EEFSEC: variants seen among roughly 807,000 people sequenced by gnomAD.
EEFSEC encodes selenocysteine-specific elongation factor.
Under a neutral mutation model 42.1 loss-of-function variants are expected in EEFSEC, and 43 were observed. The ratio of observed to expected loss-of-function variants is 1.02; its 90% confidence interval spans 0.80 to 1.32. The LOEUF is 1.32. Among genes scored for constraint, EEFSEC ranks in the 40% most tolerant of loss-of-function variants. The pLI is 0.00. For missense variants in EEFSEC, 745 were observed against 803.6 expected, an observed-to-expected ratio of 0.93 and a Z score of 0.88; for synonymous variants, 354 against 339.1, an observed-to-expected ratio of 1.04 and a Z score of -0.48.
downstream of EEFSEC, among the ~76,000 whole-genome samples, chr3:128,409,361 C>T (rs1021435420): frequency 4.7e-5 from 7 of 149,770 alleles, no homozygotes; most frequent in African/African-American, 9.8e-5. Flanking sequence ...GCCCCAGAGC[C>T]GTGTGTGTGT....
Position 128,246,847 on chromosome 3 carries a change from A to G in EEFSEC, c.328A>G (p.Ile110Val). ...IRTIIGGAQIIDLMMLVIDVT... is the reference protein window; with the variant it reads ...IRTIIGGAQIVDLMMLVIDVT... ...TTCTCTTATTCCAGGGGCCCAGATC[A>G]TTGATCTGATGATGCTGGTCATCGA... Residue 110 changes from isoleucine to valine, a missense_variant, in exon 2 of 7, where the codon ATT (isoleucine) becomes GTT (valine). By Grantham distance (29) the Ile-to-Val change is conservative (BLOSUM62 3). Coordinates refer to ENST00000254730, the MANE Select transcript of EEFSEC (RefSeq NM_021937.5). 1 of 1,613,904 alleles carries G rather than the reference A, an allele frequency of 6.2e-7. No homozygotes were observed. Among genetic ancestry groups the G allele is most frequent in the Non-Finnish European group, 8.5e-7 (1 of 1,179,926 alleles).
the EEFSEC span, among the ~76,000 whole-genome samples, chr3:128,417,190 C>T: frequency 1.4e-4 from 22 of 152,118 alleles, no homozygotes; most frequent in East Asian, 3.9e-4. This position sits in a 1 kb window ranked among gnomAD's most constrained non-coding sequence, Gnocchi z 4.3. Context: ...CCTGTTAAAA[C>T]GTGTCAGGGC....
the EEFSEC span, among the ~76,000 whole-genome samples, chr3:128,414,044 C>T: frequency 2.0e-5 from 3 of 152,274 alleles, no homozygotes; most frequent in Non-Finnish European, 2.9e-5. Context: ...CCTGTCTTCA[C>T]TGCCATCTGC....
the EEFSEC span, among the ~76,000 whole-genome samples, chr3:128,420,982 C>T: frequency 6.6e-6 from 1 of 152,170 alleles, no homozygotes; most frequent in South Asian, 2.1e-4. Context: ...TCAGGCCTCA[C>T]AGAGGCCTTG....
chr3:128,395,805 C>T (rs2067974326), intron 6 of EEFSEC, among the ~76,000 whole-genome samples: 1 of 152,234 alleles, frequency 6.6e-6, no homozygotes, highest in Non-Finnish European at 1.5e-5. Flanking sequence ...ACAGCACCCT[C>T]AGCCACAGCC....
At chr3:128,390,425 G>A (rs909143711) in intron 6 of EEFSEC, among the ~76,000 whole-genome samples, 2 of 152,376 alleles carry the variant, frequency 1.3e-5, no homozygotes, top group Middle Eastern at 3.4e-3. Flanking sequence ...TGTATTTTGG[G>A]AGGTAGAGGG....
Position 128,317,359 on chromosome 3 carries a change from G to A in EEFSEC, c.787-23874G>A, listed in dbSNP as rs1215588577. Reference sequence around the variant, plus strand: ...CTGGCCTGTTCTCCGCCCCGCTGCTGGAGCTCAGACGCTCACTCTGGCCTT... The same window carrying A: ...CTGGCCTGTTCTCCGCCCCGCTGCTAGAGCTCAGACGCTCACTCTGGCCTT... On this transcript the variant is annotated intron_variant, in intron 4 of 6. Transcript: ENST00000254730. The surrounding 1 kb of genome is among the most constrained non-coding windows in gnomAD (Gnocchi z 4.1). Among the ~76,000 whole-genome samples, 1 of 152,242 alleles carries A rather than the reference G, an allele frequency of 6.6e-6. No individual in the cohort carries two copies. Among genetic ancestry groups the A allele is most frequent in the Non-Finnish European group, 1.5e-5 (1 of 68,036 alleles).
intron 4 of EEFSEC, among the ~76,000 whole-genome samples, chr3:128,279,827 T>C (rs1395805990): frequency 6.6e-6 from 1 of 152,208 alleles, no homozygotes; most frequent in African/African-American, 2.4e-5. Context: ...ATGCCAGCCT[T>C]CTCTGCCTAT....
chr3:128,182,570 C>T (rs1418589095), intron 1 of EEFSEC, among the ~76,000 whole-genome samples: 1 of 152,030 alleles, frequency 6.6e-6, no homozygotes, highest in African/African-American at 2.4e-5. Context: ...ATAGTTTCCC[C>T]TCATTCTTTG....
rs181819787 is a variant in EEFSEC, at chr3:128,283,145, C to T, written c.786+18364C>T. 3.5e-4 allele frequency among the ~76,000 whole-genome samples: 54 copies of T among 152,320 alleles called. No individual in the cohort carries two copies. In the East Asian group the frequency reaches 0.01, roughly 28 times the overall value. On this transcript the variant is annotated intron_variant, in intron 4 of 6. Coordinates refer to ENST00000254730, the MANE Select transcript of EEFSEC (RefSeq NM_021937.5). ...TGGCTTTGGGCCTTGCTCCCTTGCC[C>T]CTTTGGGGCCCTGTGGCACCTGGAA...
intron 4 of EEFSEC, chr3:128,337,187 C>G (rs546956501): frequency 2.6e-5 from 4 of 152,330 alleles, no homozygotes; most frequent in South Asian, 4.2e-4. Context: ...CACTGACCAC[C>G]CCGTGTGGCA....
At chr3:128,284,460 G>A (rs551947213) in intron 4 of EEFSEC, among the ~76,000 whole-genome samples, 5 of 152,006 alleles carry the variant, frequency 3.3e-5, no homozygotes, top group East Asian at 1.9e-4. Context: ...GGTTGGGGGT[G>A]GGGGATGGGG....
chr3:128,304,648 T>G (rs532394563), intron 4 of EEFSEC, among the ~76,000 whole-genome samples: 39 of 152,294 alleles, frequency 2.6e-4, no homozygotes, highest in South Asian at 1.0e-3. Flanking sequence ...CTTATTACAT[T>G]GCTTAGTAGT....
intron 2 of EEFSEC, among the ~76,000 whole-genome samples, chr3:128,257,550 C>A (rs906309594): frequency 6.6e-6 from 1 of 152,222 alleles, no homozygotes; most frequent in Non-Finnish European, 1.5e-5. Flanking sequence ...TTTCACACAA[C>A]CTCCCTGCAG....
chr3:128,313,050 G>A (rs1223287656), intron 4 of EEFSEC, among the ~76,000 whole-genome samples: 4 of 152,204 alleles, frequency 2.6e-5, no homozygotes, highest in African/African-American at 4.8e-5. Flanking sequence ...CCCCTTGTCT[G>A]TAAGTTATTT....
chr3:128,283,006 T>C (rs546199624), intron 4 of EEFSEC, among the ~76,000 whole-genome samples: 4 of 152,340 alleles, frequency 2.6e-5, no homozygotes, highest in African/African-American at 9.6e-5. Context: ...GGAACACGGT[T>C]GGGTGCTTCC....
At chr3:128,355,942 G>A (rs577428238) in intron 5 of EEFSEC, among the ~76,000 whole-genome samples, 23 of 152,342 alleles carry the variant, frequency 1.5e-4, no homozygotes, top group African/African-American at 4.6e-4. Flanking sequence ...CACAGGGAAC[G>A]CTGTAGGCAC....
intron 1 of EEFSEC, among the ~76,000 whole-genome samples, chr3:128,180,509 C>T (rs1312182091): frequency 6.6e-6 from 1 of 152,238 alleles, no homozygotes; most frequent in Non-Finnish European, 1.5e-5. Flanking sequence ...GGTTACTTAA[C>T]ACAATTTCCT....
intron 4 of EEFSEC, among the ~76,000 whole-genome samples, chr3:128,319,500 C>T (rs571166203): frequency 1.3e-5 from 2 of 152,300 alleles, no homozygotes; most frequent in South Asian, 2.1e-4. Flanking sequence ...ACATGACTCA[C>T]GTTGGCCTGT....
Sources: gnomAD v4.1 joint callset for allele counts (sites outside exome capture counted in the v4.1 genomes callset) on GRCh38, gnomAD v4.1.1 for gene constraint, Gnocchi (gnomAD v3.1) non-coding constraint, MANE v1.5 for transcripts, NCBI Gene and HGNC (gene_info 2026-07-23, HGNC 2026-07-21) for gene names.